The following RAD54L2 variants were observed in gnomAD, a reference collection of about 807,000 sequenced individuals.
RAD54L2 encodes the protein RAD54 like 2, also known as helicase ARIP4.
Under a neutral mutation model 138.4 loss-of-function variants are expected in RAD54L2, and 27 were observed. That is an observed-to-expected ratio of 0.20 (90% CI 0.14 to 0.27). The LOEUF is 0.27. Among genes scored for constraint, RAD54L2 ranks in the 10% least tolerant of loss-of-function variants. The pLI is 1.00. For synonymous variants in RAD54L2, 644 were observed against 723.2 expected, an observed-to-expected ratio of 0.89 and a Z score of 1.76; for missense variants, 1,396 against 1,890.2, an observed-to-expected ratio of 0.74 and a Z score of 4.85.
At chr3:51,611,741 T>G (rs1010698077) in intron 3 of RAD54L2, among the ~76,000 whole-genome samples, 3 of 151,968 alleles carry the variant, frequency 2.0e-5, no homozygotes, top group African/African-American at 7.3e-5. Context: ...ATATTTTTAC[T>G]AACGACGAGT....
rs897331100 is a variant in RAD54L2 at position 51,666,408 on chromosome 3, G to A, written c.*2988G>A. 4.6e-5 allele frequency: 7 copies of A among 151,948 alleles called. No homozygotes were observed. Among genetic ancestry groups the A allele is most frequent in the Non-Finnish European group, 7.4e-5 (5 of 67,976 alleles). 9.4% of individuals were successfully genotyped at this position (151,948 alleles called of 1,614,324 possible). On this transcript the variant is annotated 3_prime_UTR_variant, in exon 23 of 23. Transcript: ENST00000684192. ...TTCCACCCATTATCCAGGCCTGAGG[G>A]GGGCAGGGTGGCTGGTGATAAGAGG...
At chr3:51,606,591 C>A (rs901684167) in intron 3 of RAD54L2, among the ~76,000 whole-genome samples, 1 of 152,060 alleles carries the variant, frequency 6.6e-6, no homozygotes, top group African/African-American at 2.4e-5. Flanking sequence ...TCAGGAAGCA[C>A]CATTACAGCG....
chr3:51,580,113 T>G (rs1387659859), intron 2 of RAD54L2, among the ~76,000 whole-genome samples: 2 of 152,102 alleles, frequency 1.3e-5, no homozygotes, highest in African/African-American at 4.8e-5. Flanking sequence ...CTTTAGACAC[T>G]AGTCTCAAGT....
At chr3:51,635,524 G>T in intron 9 of RAD54L2, 69 bp from the exon 10 acceptor site, 1 of 1,455,166 alleles carries the variant, frequency 6.9e-7, no homozygotes, top group South Asian at 1.4e-5. Context: ...TCTTCCTTGG[G>T]AGCAGCAGAA....
intron 2 of RAD54L2, among the ~76,000 whole-genome samples, chr3:51,583,243 A>G (rs901171498): frequency 6.6e-6 from 1 of 152,176 alleles, no homozygotes; most frequent in East Asian, 1.9e-4. Context: ...TTCAACATAT[A>G]GCCTGTTGTG....
chr3:51,616,467 ACT>A (rs1700445092), intron 3 of RAD54L2, among the ~76,000 whole-genome samples: 1 of 152,204 alleles, frequency 6.6e-6, no homozygotes, highest in African/African-American at 2.4e-5. Flanking sequence ...ATACAATAAA[ACT>A]CACATATTTC....
At chr3:51,596,453 A>G (rs906280058) in intron 3 of RAD54L2, among the ~76,000 whole-genome samples, 2 of 152,114 alleles carry the variant, frequency 1.3e-5, no homozygotes, top group Non-Finnish European at 2.9e-5. Flanking sequence ...AATATGCACT[A>G]AAGATTGGAG....
chr3:51,579,259 T>G (rs1268647665), intron 2 of RAD54L2, among the ~76,000 whole-genome samples: 3 of 149,398 alleles, frequency 2.0e-5, no homozygotes, highest in Non-Finnish European at 4.4e-5. Flanking sequence ...ACCTCAAGCC[T>G]GGGATTTTTA....
At chr3:51,581,212 C>G (rs968915208) in intron 2 of RAD54L2, among the ~76,000 whole-genome samples, 1 of 152,146 alleles carries the variant, frequency 6.6e-6, no homozygotes, top group East Asian at 1.9e-4. Context: ...ATTCTCCTGC[C>G]TCAGTCTACC....
chr3:51,608,163 CAG>C (rs1700246276), intron 3 of RAD54L2, among the ~76,000 whole-genome samples: 1 of 150,820 alleles, frequency 6.6e-6, no homozygotes, highest in Non-Finnish European at 1.5e-5. Context: ...GGCGGCGGGG[CAG>C]AGACACTCCT....
chr3:51,563,413 C>T (rs1699143573), intron 2 of RAD54L2, among the ~76,000 whole-genome samples: 1 of 152,122 alleles, frequency 6.6e-6, no homozygotes, highest in Non-Finnish European at 1.5e-5. Context: ...GAGACTGTTC[C>T]TTATTTTAAT....
chr3:51,556,270 C>A lies in RAD54L2; in HGVS notation c.-55+14620C>A, dbSNP rs189933980. ...TTACTGCCATTTCCTTACCAATTGC[C>A]TTTTTTTGTTTTGTTTTGTTTTTGA... On this transcript the variant is annotated intron_variant, in intron 2 of 22. Transcript: ENST00000684192. Among the ~76,000 whole-genome samples the A allele has an allele frequency of 3.3e-5, 5 of 152,102 alleles. No homozygotes were observed. In the East Asian group the frequency reaches 9.7e-4, roughly 29 times the overall value.
chr3:51,633,347 A>G (rs747455020), intron 7 of RAD54L2, among the ~76,000 whole-genome samples: 10 of 152,226 alleles, frequency 6.6e-5, no homozygotes, highest in Admixed American at 3.3e-4. Context: ...CGATTCATGC[A>G]TTACATGGGG....
At chr3:51,620,697 T>C (rs992024219) in intron 3 of RAD54L2, among the ~76,000 whole-genome samples, 4 of 152,176 alleles carry the variant, frequency 2.6e-5, no homozygotes, top group Non-Finnish European at 5.9e-5. Flanking sequence ...TCTTTGGTGT[T>C]TATATAACTC....
chr3:51,602,005 T>C (rs1197669655), intron 3 of RAD54L2, among the ~76,000 whole-genome samples: 1 of 150,744 alleles, frequency 6.6e-6, no homozygotes, highest in Non-Finnish European at 1.5e-5. Context: ...TAAGTTTTTG[T>C]ATTTTTAATA....
chr3:51,617,481 A>G (rs2106771934), intron 3 of RAD54L2, among the ~76,000 whole-genome samples: 1 of 152,260 alleles, frequency 6.6e-6, no homozygotes, highest in Non-Finnish European at 1.5e-5. Context: ...TCACATGTTC[A>G]TTGGCTATTT....
At chr3:51,623,867 C>T (rs1270488841) in intron 3 of RAD54L2, among the ~76,000 whole-genome samples, 3 of 150,842 alleles carry the variant, frequency 2.0e-5, no homozygotes, top group Non-Finnish European at 2.9e-5. Context: ...GTCCCAGCTA[C>T]TTGGGAGGTG....
At chr3:51,544,403 ACTTG>A (rs2108684370) in intron 2 of RAD54L2, among the ~76,000 whole-genome samples, 1 of 152,312 alleles carries the variant, frequency 6.6e-6, no homozygotes, top group South Asian at 2.1e-4. Flanking sequence ...GAGGGCTATT[ACTTG>A]CTTTTTTGGG....
chr3:51,638,206 G>A lies in RAD54L2; in HGVS notation c.1745G>A (p.Arg582Gln), dbSNP rs370680676. The A allele has an allele frequency of 3.0e-5, 49 of 1,613,882 alleles. No homozygotes were observed. Among genetic ancestry groups the A allele is most frequent in the Admixed American group, 6.7e-5 (4 of 60,010 alleles). The change falls in exon 12 of 23, where the codon CGG (arginine) becomes CAG (glutamine). Residue 582 changes from arginine to glutamine, a missense_variant. This residue lies in a region of RAD54L2 where 211 missense variants were observed against 273.8 expected (regional missense o/e 0.77). Transcript: ENST00000684192. This position sits in a 1 kb window ranked among gnomAD's most constrained non-coding sequence, Gnocchi z 4.3. ...AAGGAAGAAAATGTGATCCTTGTGC[G>A]GCTCTCCAAGATCCAGCGAGATTTG... ...PAKEENVILV[R>Q]LSKIQRDLYT... is the part of the protein sequence containing the mutation.
Sources: gnomAD v4.1 joint callset for allele counts (sites outside exome capture counted in the v4.1 genomes callset) on GRCh38, gnomAD v4.1.1 for gene constraint, gnomAD v4.1.1 regional missense constraint, Gnocchi (gnomAD v3.1) non-coding constraint, MANE v1.5 for transcripts, NCBI Gene and HGNC (gene_info 2026-07-23, HGNC 2026-07-21) for gene names.